The following BLOC1S1 variants were observed in gnomAD, a reference collection of about 807,000 sequenced individuals.
BLOC1S1 encodes biogenesis of lysosomal organelles complex 1 subunit 1.
BLOC1S1 carries 11 observed loss-of-function variants against 19.0 expected under a neutral mutation model. The ratio of observed to expected loss-of-function variants is 0.58; its 90% CI spans 0.37 to 0.96. The LOEUF (loss-of-function observed/expected upper bound fraction) is 0.96, where lower values mean the gene tolerates loss of function less well. Ranked by LOEUF, BLOC1S1 falls within the 40% of genes least tolerant of loss-of-function variation. BLOC1S1 has a pLI of 0.01. For synonymous variants in BLOC1S1, 94 were observed against 76.4 expected (o/e 1.23, Z -1.20); for missense variants, 220 against 195.9 (o/e 1.12, Z -0.73).
At chr12:55,717,438 G>T (rs911606119) in intron 2 of BLOC1S1, among the ~76,000 whole-genome samples, 5 of 152,208 alleles carry the variant, frequency 3.3e-5, no homozygotes, top group African/African-American at 1.2e-4. Context: ...GTGGTGGTGA[G>T]AGTAGAACCT....
At chr12:55,717,855 G>A (rs1000187510) in intron 2 of BLOC1S1, among the ~76,000 whole-genome samples, 1 of 152,160 alleles carries the variant, frequency 6.6e-6, no homozygotes, top group Non-Finnish European at 1.5e-5. Context: ...ATAGAAGCAG[G>A]TGGTCAATGG....
At position 55,716,968 on chromosome 12, in the gene BLOC1S1, TGC is replaced by T; in HGVS notation, c.182_183del (p.Cys61SerfsTer26). Reference sequence around the variant, plus strand: ...GCGAGAGGCTATCACTGCAGCGACCTGCCTGACAGAAGCTTTGGTGGATCACC... The same window carrying T: ...GCGAGAGGCTATCACTGCAGCGACCTCTGACAGAAGCTTTGGTGGATCACC... Reference protein sequence around the residue: ...RRREAITAATCLTEALVDHLN... With the variant: ...RRREAITAATXLTEALVDHLN... On this transcript the variant is annotated frameshift_variant, in exon 2 of 4. Transcript: ENST00000548925. LOFTEE classifies it high-confidence loss of function. 1.3e-6 allele frequency: 2 copies of T among 1,597,640 alleles called. No homozygotes were observed. Among genetic ancestry groups the T allele is most frequent in the Non-Finnish European group, 1.7e-6 (2 of 1,173,096 alleles).
Position 55,719,260 on chromosome 12 carries a change from G to A in BLOC1S1, c.351+37G>A, listed in dbSNP as rs370578971. 11 of 1,613,832 alleles carry A rather than the reference G, an allele frequency of 6.8e-6. No individual in the cohort carries two copies. The East Asian group carries it at 2.2e-4, about 33-fold the overall frequency. ...TCCCTACCTCACCACCCCAATCCTG[G>A]GCCCCCATTGGCTGCCTCCAGTCAG... On this transcript the variant is annotated intron_variant, in intron 3 of 3. Transcript: ENST00000548925.
At chr12:55,718,693 C>T (rs1876756090) in intron 2 of BLOC1S1, among the ~76,000 whole-genome samples, 1 of 152,152 alleles carries the variant, frequency 6.6e-6, no homozygotes, top group Admixed American at 6.5e-5. Context: ...CAACTTCTTG[C>T]ATAGATCCCT....
At chr12:55,719,431 C>G in intron 3 of BLOC1S1, 68 bp from the exon 4 acceptor site, 1 of 1,495,382 alleles carries the variant, frequency 6.7e-7, no homozygotes, top group South Asian at 1.1e-5. Context: ...AAAACGTATT[C>G]CCCAGACTGG....
At position 55,719,480 on chromosome 12, in the gene BLOC1S1, C is replaced by A; in HGVS notation, c.352-19C>A. 6.2e-7 allele frequency: 1 copy of A among 1,610,012 alleles called. No individual in the cohort carries two copies. The highest frequency in any genetic ancestry group is 8.5e-7 in the Non-Finnish European group (1 of 1,176,230). ...CCCATTCTGATTCCTGGGCTCCCAC[C>A]TCCTCTCCCCCTTCCCAGGAAATTG... On this transcript the variant is annotated intron_variant, in intron 3 of 3. Coordinates refer to ENST00000548925, the MANE Select transcript of BLOC1S1 (RefSeq NM_001487.4).
chr12:55,717,948 A>G (rs1227763186), intron 2 of BLOC1S1, among the ~76,000 whole-genome samples: 1 of 152,098 alleles, frequency 6.6e-6, no homozygotes, highest in Non-Finnish European at 1.5e-5. Flanking sequence ...CTGTCTCCCA[A>G]AAAGAAGGAA....
In BLOC1S1 at chr12:55,716,681, G is replaced by A. The variant is rs571897180; in HGVS notation, c.146-252G>A. The A allele has an allele frequency of 2.3e-6, 3 of 1,307,670 alleles. No individual in the cohort carries two copies. In the South Asian group the frequency reaches 6.2e-5, roughly 27 times the overall value. The allele number at this position is 1,307,670 out of a possible 1,614,324, so 81.0% of individuals were successfully genotyped here. On this transcript the variant is annotated intron_variant, in intron 1 of 3. Transcript: ENST00000548925. ...GAGAAAGAGTGCCTGGGAGTCAGGA[G>A]TCCTGGGCGCTGCCGCTGACTTCCT...
chr12:55,717,982 C>T (rs1045759580), intron 2 of BLOC1S1, among the ~76,000 whole-genome samples: 5 of 152,172 alleles, frequency 3.3e-5, no homozygotes, highest in African/African-American at 4.8e-5. Context: ...CCCATTTCCT[C>T]CCTCCCACAT....
intron 1 of BLOC1S1, 48 bp from the exon 2 acceptor site, chr12:55,716,885 C>G: frequency 3.2e-6 from 5 of 1,548,316 alleles, no homozygotes; most frequent in Non-Finnish European, 2.6e-6. Flanking sequence ...AACACTACCC[C>G]TCAAAAAACC....
intron 2 of BLOC1S1, among the ~76,000 whole-genome samples, chr12:55,718,661 G>A (rs1197538868): frequency 6.6e-6 from 1 of 152,102 alleles, no homozygotes; most frequent in Non-Finnish European, 1.5e-5. Flanking sequence ...CCGGCTTCAG[G>A]GAGGGGCCCA....
Position 55,719,091 on chromosome 12 carries a change from T to G in BLOC1S1, c.219T>G (p.Gly73=), listed in dbSNP as rs760320006. 50 of 1,613,534 alleles carry G rather than the reference T, an allele frequency of 3.1e-5. No individual in the cohort carries two copies. Among genetic ancestry groups the G allele is most frequent in the Non-Finnish European group, 4.2e-5 (50 of 1,179,828 alleles). ...TCTCCTCCCTCCTCCAACCCCCCAG[T>G]GTGGCCCAGGCCTACATGAACCAGA... is the stretch of plus-strand genomic sequence containing the variant. The part of the protein sequence containing the change: ...TEALVDHLNV[G]VAQAYMNQRK... The change falls in exon 3 of 4, where the codon GGT becomes GGG. Residue 73 remains glycine (G), a splice_region_variant and synonymous_variant. Coordinates refer to ENST00000548925, the MANE Select transcript of BLOC1S1 (RefSeq NM_001487.4).
intron 1 of BLOC1S1, chr12:55,716,508 A>C: frequency 4.1e-6 from 5 of 1,234,328 alleles, no homozygotes; most frequent in Non-Finnish European, 4.1e-6. Flanking sequence ...GGCGGCGGGA[A>C]GGAGCGACTC....
Position 55,719,607 on chromosome 12 carries a change from T to G in BLOC1S1, c.460T>G (p.Ter154GluextTer26). 6.2e-7 allele frequency: 1 copy of G among 1,613,478 alleles called. No homozygotes were observed. Among genetic ancestry groups the G allele is most frequent in the Non-Finnish European group, 8.5e-7 (1 of 1,179,542 alleles). ...AGGGCAGCTGCAGTCTGCCCCTTCC[T>G]AGCCCCTGTTCCCTCCCCCAACCCT... is the stretch of plus-strand genomic sequence containing the variant. ...YKGQLQSAPS[*>E] The change falls in exon 4 of 4, where the codon TAG (stop) becomes GAG (glutamate). Residue 154 changes from the stop codon to glutamate (E), a stop_lost. Coordinates refer to ENST00000548925, the MANE Select transcript of BLOC1S1 (RefSeq NM_001487.4).
chr12:55,719,684 A>G lies in BLOC1S1; in HGVS notation c.*75A>G. 8.1e-7 allele frequency: 1 copy of G among 1,242,158 alleles called. No individual in the cohort carries two copies. Among genetic ancestry groups the G allele is most frequent in the Non-Finnish European group, 1.2e-6 (1 of 856,986 alleles). The allele number at this position is 1,242,158 out of a possible 1,614,324, so 76.9% of individuals were successfully genotyped here. The stretch of plus-strand genomic sequence containing the variant: ...AAGGAGGGAGGCTGACAAGCCTTGA[A>G]TAAAACACAAGCCTCCGTTTCTCTG... On this transcript the variant is annotated 3_prime_UTR_variant, in exon 4 of 4. Coordinates refer to ENST00000548925, the MANE Select transcript of BLOC1S1 (RefSeq NM_001487.4).
At chr12:55,716,523 G>A (rs533252176) in intron 1 of BLOC1S1, 23 of 1,246,120 alleles carry the variant, frequency 1.8e-5, no homozygotes, top group South Asian at 1.3e-4. Flanking sequence ...CGACTCTGGA[G>A]GGAGGAGGGT....
At chr12:55,719,336 A>G in intron 3 of BLOC1S1, 113 bp downstream of exon 3, 1 of 1,547,202 alleles carries the variant, frequency 6.5e-7, no homozygotes, top group Non-Finnish European at 8.9e-7. Flanking sequence ...CAGAAACCCC[A>G]TCTATAGCCC....
Position 55,719,237 on chromosome 12 carries a change from C to T in BLOC1S1, c.351+14C>T, listed in dbSNP as rs762498891. 14 of 1,614,090 alleles carry T rather than the reference C, an allele frequency of 8.7e-6. No homozygotes were observed. In the Middle Eastern group the frequency reaches 6.6e-4, roughly 76 times the overall value. ...CAGGCACTCAAGGTGGGCCATACTCCCTACCTCACCACCCCAATCCTGGGC... is the reference window on the plus strand; with the variant it reads ...CAGGCACTCAAGGTGGGCCATACTCTCTACCTCACCACCCCAATCCTGGGC... On this transcript the variant is annotated intron_variant, in intron 3 of 3. Transcript: ENST00000548925.
Sources: allele counts gnomAD v4.1 joint callset (sites outside exome capture counted in the v4.1 genomes callset), GRCh38; gene constraint gnomAD v4.1.1; transcripts MANE v1.5; gene names NCBI Gene and HGNC (gene_info 2026-07-23, HGNC 2026-07-21).